DOCK9: variants seen among roughly 807,000 people sequenced by gnomAD.
The protein encoded by DOCK9 is dedicator of cytokinesis 9.
A neutral mutation model predicts 263.3 loss-of-function variants in DOCK9; 89 were observed. That is an observed-to-expected ratio of 0.34 (90% CI 0.28 to 0.40). DOCK9 has a LOEUF of 0.40. Ranked by LOEUF, DOCK9 falls within the 10% of genes least tolerant of loss-of-function variation. The pLI is 1.00. For synonymous variants in DOCK9, 976 were observed against 973.1 expected, an observed-to-expected ratio of 1.00 and a Z score of -0.06; for missense variants, 2,140 against 2,603.4, an observed-to-expected ratio of 0.82 and a Z score of 3.87.
At chr13:99,050,553 C>T (rs370573716) in intron 1 of DOCK9, among the ~76,000 whole-genome samples, 18 of 152,160 alleles carry the variant, frequency 1.2e-4, no homozygotes, top group African/African-American at 3.9e-4. Context: ...ATTAGCCAGA[C>T]GTGGTGGCGG....
intron 45 of DOCK9, among the ~76,000 whole-genome samples, chr13:98,823,520 C>T (rs535893016): frequency 6.6e-6 from 1 of 152,336 alleles, no homozygotes; most frequent in East Asian, 1.9e-4. Flanking sequence ...TGACTCCTTT[C>T]TTGGCTTGCT....
rs1334023997 is a variant in DOCK9, at chr13:98,809,435, G to A, written c.5284C>T (p.Arg1762Trp). 2 of 1,612,112 alleles carry A rather than the reference G, an allele frequency of 1.2e-6. No homozygotes were observed. The highest frequency in any genetic ancestry group is 1.7e-4 in the Middle Eastern group (1 of 6,054). Residue 1762 changes from arginine to tryptophan, a missense_variant, in exon 47 of 53, where the codon CGG (arginine) becomes TGG (tryptophan). Arg to Trp is a moderately radical substitution (Grantham distance 101). Around this residue, in one of 2 missense-constraint regions of DOCK9, gnomAD observed 619 missense variants for 861.8 expected, o/e 0.72. Transcript: ENST00000682017. ...RLAHLYDTLH[R>W]AYSKVTEVMH... The stretch of plus-strand genomic sequence containing the variant: ...ACCTCGGTCACTTTGCTGTAGGCCC[G>A]GTGCAGCGTGTCATACAGATGGGCC...
intron 1 of DOCK9, among the ~76,000 whole-genome samples, chr13:99,085,677 G>C (rs948656709): frequency 6.6e-6 from 1 of 152,096 alleles, no homozygotes. Flanking sequence ...ATACCGGCTT[G>C]GAGGTGGGGG....
chr13:99,066,224 C>T (rs1274087162), intron 1 of DOCK9, among the ~76,000 whole-genome samples: 1 of 152,178 alleles, frequency 6.6e-6, no homozygotes, highest in Non-Finnish European at 1.5e-5. Flanking sequence ...ATTAGCCCCA[C>T]TGCAAATCAG....
In DOCK9 at chr13:98,902,975, T is replaced by C; in HGVS notation, c.1173A>G (p.Thr391=). The C allele has an allele frequency of 1.3e-6, 2 of 1,508,192 alleles. No homozygotes were observed. Among genetic ancestry groups the C allele is most frequent in the Non-Finnish European group, 1.8e-6 (2 of 1,134,464 alleles). 93.4% of individuals were successfully genotyped at this position (1,508,192 alleles called of 1,614,324 possible). A position where few individuals can be genotyped will look rare whatever the true frequency, so the allele number is the denominator to read the frequency against. The part of the protein sequence containing the change: ...CVAENEEGPT[T]NVEPFFVTLS... Reference sequence around the variant, plus strand: ...TATTTTTAAAATGAAAAATTACATTTGTAGTGGGTCCTTCTTCATTTTCGG... The same window carrying C: ...TATTTTTAAAATGAAAAATTACATTCGTAGTGGGTCCTTCTTCATTTTCGG... The change falls in exon 11 of 53, where the codon ACA becomes ACG. Residue 391 remains threonine, a synonymous_variant. Coordinates refer to ENST00000682017, the MANE Select transcript of DOCK9 (RefSeq NM_001366683.2).
At chr13:98,819,183 G>A (rs759641748) in intron 45 of DOCK9, among the ~76,000 whole-genome samples, 2 of 152,218 alleles carry the variant, frequency 1.3e-5, no homozygotes, top group Non-Finnish European at 2.9e-5. Flanking sequence ...CAAAATCTGG[G>A]TTTGGGGGGT....
At chr13:99,023,934 C>T (rs1017100261) in intron 1 of DOCK9, among the ~76,000 whole-genome samples, 12 of 152,168 alleles carry the variant, frequency 7.9e-5, no homozygotes, top group African/African-American at 2.9e-4. Context: ...TCATAGACAA[C>T]TTCCACTACT....
chr13:99,045,867 C>T (rs903166255), intron 1 of DOCK9, among the ~76,000 whole-genome samples: 4 of 150,704 alleles, frequency 2.7e-5, no homozygotes, highest in African/African-American at 9.8e-5. Context: ...CTGAGGCGGG[C>T]GGATCATGAG....
chr13:98,895,059 T>C (rs888914976), intron 15 of DOCK9, among the ~76,000 whole-genome samples: 3 of 149,196 alleles, frequency 2.0e-5, no homozygotes, highest in African/African-American at 7.4e-5. Context: ...GGCAGGAGAA[T>C]TGCTTGAACC....
At chr13:98,914,182 T>C (rs1353772709) in intron 9 of DOCK9, 146 bp downstream of exon 9, 1 of 662,276 alleles carries the variant, frequency 1.5e-6, no homozygotes. Context: ...TGAGTACACG[T>C]CACCTCGTAA....
chr13:98,804,785 C>T (rs1280091397), intron 49 of DOCK9, among the ~76,000 whole-genome samples: 2 of 152,222 alleles, frequency 1.3e-5, no homozygotes, highest in African/African-American at 4.8e-5. Context: ...ATATGAGCTT[C>T]TGGTCTTGTG....
chr13:99,017,128 ACCCTC>A (rs1885518779), intron 1 of DOCK9, among the ~76,000 whole-genome samples: 1 of 152,168 alleles, frequency 6.6e-6, no homozygotes, highest in South Asian at 2.1e-4. Context: ...AAACAGGATG[ACCCTC>A]TGGGGTCTAG....
intron 39 of DOCK9, among the ~76,000 whole-genome samples, chr13:98,833,263 T>C (rs1345785986): frequency 6.6e-6 from 1 of 152,084 alleles, no homozygotes; most frequent in Non-Finnish European, 1.5e-5. Context: ...GTTTTATCTA[T>C]GAATGCCATT....
chr13:98,897,572 T>A lies in DOCK9; in HGVS notation c.1625A>T (p.Asn542Ile). 1 of 1,613,990 alleles carries A rather than the reference T, an allele frequency of 6.2e-7. No homozygotes were observed. The highest frequency in any genetic ancestry group is 8.5e-7 in the Non-Finnish European group (1 of 1,179,850). ...CCTGTAGATGGCAGAAAATCTGGCA[T>A]TTTTGTCAAGATTTCCAGATGCATC... ...FKDASGNLDK[N>I]ARFSAIYRQD... The change falls in exon 15 of 53, where the codon AAT becomes ATT. Residue 542 changes from asparagine to isoleucine, a missense_variant. By Grantham distance (149) the Asn-to-Ile change is moderately radical. Around this residue, in one of 2 missense-constraint regions of DOCK9, gnomAD observed 1,521 missense variants for 1,741.7 expected, o/e 0.87. Transcript: ENST00000682017.
intron 1 of DOCK9, among the ~76,000 whole-genome samples, chr13:99,000,966 G>A (rs1882175381): frequency 6.6e-6 from 1 of 152,158 alleles, no homozygotes; most frequent in African/African-American, 2.4e-5. Context: ...GGGTTCCAGA[G>A]GCCAAGGCGC....
intron 1 of DOCK9, among the ~76,000 whole-genome samples, chr13:98,985,577 G>A (rs1195368246): frequency 2.0e-5 from 3 of 152,140 alleles, no homozygotes; most frequent in East Asian, 1.9e-4. Flanking sequence ...GACACCAACG[G>A]TTTTTCTGTA....
At chr13:99,002,870 C>T (rs1290848985) in intron 1 of DOCK9, among the ~76,000 whole-genome samples, 1 of 152,192 alleles carries the variant, frequency 6.6e-6, no homozygotes, top group Non-Finnish European at 1.5e-5. Context: ...AGTATTTACA[C>T]TTTTCTTTGT....
Position 98,807,683 on chromosome 13 carries a change from T to C in DOCK9, c.5492A>G (p.Lys1831Arg), listed in dbSNP as rs375165363. 9.9e-6 allele frequency: 16 copies of C among 1,611,136 alleles called. No individual in the cohort carries two copies. Among genetic ancestry groups the C allele is most frequent in the East Asian group, 2.2e-5 (1 of 44,858 alleles). ...YSDKFGSENV[K>R]MIQDSGKVNP... ...TACCTTGCCAGAATCCTGTATCATT[T>C]TGACATTTTCAGAACCAAATTTATC... Residue 1831 changes from lysine to arginine, a missense_variant, in exon 48 of 53, where the codon AAA becomes AGA. Physicochemically the swap from Lys to Arg is conservative, Grantham distance 26. Around this residue, in one of 2 missense-constraint regions of DOCK9, gnomAD observed 619 missense variants for 861.8 expected, o/e 0.72. Transcript: ENST00000682017.
chr13:98,964,542 G>T (rs2059007689), intron 1 of DOCK9, among the ~76,000 whole-genome samples: 1 of 152,094 alleles, frequency 6.6e-6, no homozygotes, highest in Non-Finnish European at 1.5e-5. Flanking sequence ...ATTACAGTGA[G>T]GTCAAAAAAT....
Sources: allele counts gnomAD v4.1 joint callset (sites outside exome capture counted in the v4.1 genomes callset), GRCh38; gene constraint gnomAD v4.1.1; regional missense constraint gnomAD v4.1.1; transcripts MANE v1.5; gene names NCBI Gene and HGNC (gene_info 2026-07-23, HGNC 2026-07-21).